Variants in ECT2L observed in about 807,000 individuals in gnomAD.
ECT2L encodes the protein epithelial cell-transforming sequence 2 oncogene-like.
A neutral mutation model predicts 122.8 loss-of-function variants in ECT2L; 126 were observed. The observed-to-expected ratio is 1.03, with a 90% CI of 0.89 to 1.19. The LOEUF is 1.19. ECT2L is among the 50% of genes most tolerant of loss of function. The pLI is 0.00. For missense variants in ECT2L, 1,012 were observed against 1,064.1 expected (o/e 0.95, Z 0.68); for synonymous variants, 385 against 381.8 (o/e 1.01, Z -0.10).
chr6:138,842,664 CT>C (rs1777081989), intron 5 of ECT2L, among the ~76,000 whole-genome samples: 1 of 151,648 alleles, frequency 6.6e-6, no homozygotes, highest in Non-Finnish European at 1.5e-5. Flanking sequence ...CCCAGCTACT[CT>C]GGAGGCTGAG....
intron 4 of ECT2L, among the ~76,000 whole-genome samples, chr6:138,826,045 A>G (rs1422545652): frequency 2.0e-5 from 3 of 152,190 alleles, no homozygotes; most frequent in Non-Finnish European, 4.4e-5. Flanking sequence ...TCGCCTGTTC[A>G]GCTATCCCCG....
At chr6:138,851,020 A>G (rs1777429238) in intron 9 of ECT2L, among the ~76,000 whole-genome samples, 3 of 149,796 alleles carry the variant, frequency 2.0e-5, no homozygotes, top group Non-Finnish European at 3.0e-5. Context: ...AAAAAAAAAA[A>G]AAAGAGAAAG....
chr6:138,857,810 T>C (rs1018689103), intron 10 of ECT2L, among the ~76,000 whole-genome samples: 4 of 152,138 alleles, frequency 2.6e-5, no homozygotes, highest in African/African-American at 9.7e-5. Flanking sequence ...TCACTATTCC[T>C]ATGTGTATTA....
intron 4 of ECT2L, among the ~76,000 whole-genome samples, chr6:138,819,432 G>A (rs1024669663): frequency 2.8e-4 from 42 of 151,946 alleles, no homozygotes; most frequent in African/African-American, 9.4e-4. Flanking sequence ...GAGCTTCTCT[G>A]TCTACCGCTT....
chr6:138,901,088 G>C lies in ECT2L; in HGVS notation c.2555G>C (p.Arg852Pro). The C allele has an allele frequency of 1.9e-6, 3 of 1,613,920 alleles. No individual in the cohort carries two copies. Among genetic ancestry groups the C allele is most frequent in the Non-Finnish European group, 2.5e-6 (3 of 1,179,972 alleles). Residue 852 changes from arginine (R) to proline (P), a missense_variant, in exon 21 of 22, where the codon CGG (arginine) becomes CCG (proline). By Grantham distance (103) the Arg-to-Pro change is moderately radical. Coordinates refer to ENST00000541398, the MANE Select transcript of ECT2L (RefSeq NM_001077706.3). ...YQFIASVALH[R>P]LLIENIPDSK... ...TTCATTGCATCAGTGGCCCTTCATC[G>C]GTTACTCATAGAAAATATTCCAGAT...
In ECT2L at chr6:138,902,513, AT is replaced by A; in HGVS notation, c.2604del (p.Phe868LeufsTer16). ...ATGCTTTTACAGATGTCAAGAATGC[AT>A]TTATTCTTCAGGGTCCAAAATATAA... Reference protein sequence around the residue: ...IPDSKYVKNAFILQGPKYKWI... With the variant: ...IPDSKYVKNAXILQGPKYKWI... On this transcript the variant is annotated frameshift_variant, in exon 22 of 22. Transcript: ENST00000541398. LOFTEE classifies it high-confidence loss of function. The A allele has an allele frequency of 6.2e-6, 10 of 1,613,436 alleles. No individual in the cohort carries two copies. Among genetic ancestry groups the A allele is most frequent in the Non-Finnish European group, 8.5e-6 (10 of 1,179,614 alleles).
At chr6:138,876,613 T>C in intron 14 of ECT2L, 55 bp downstream of exon 14, 1 of 1,194,892 alleles carries the variant, frequency 8.4e-7, no homozygotes, top group Non-Finnish European at 1.2e-6. Context: ...ATAGTGAAAT[T>C]TCAGCCTTTA....
At chr6:138,807,237 G>A (rs1362343687) in intron 1 of ECT2L, among the ~76,000 whole-genome samples, 1 of 151,952 alleles carries the variant, frequency 6.6e-6, no homozygotes, top group African/African-American at 2.4e-5. Flanking sequence ...GCTTCCCAAA[G>A]TGCTAGGATT....
chr6:138,890,712 T>C (rs557591760), intron 20 of ECT2L, among the ~76,000 whole-genome samples: 27 of 152,206 alleles, frequency 1.8e-4, no homozygotes, highest in African/African-American at 2.9e-4. Context: ...TTCTATATCA[T>C]TTTTCTTCTC....
At chr6:138,876,630 T>C (rs1038209577) in intron 14 of ECT2L, 72 bp downstream of exon 14, 2 of 933,760 alleles carry the variant, frequency 2.1e-6, no homozygotes, top group Non-Finnish European at 3.2e-6. Flanking sequence ...TTTATTCTGG[T>C]TAGTTCTTCA....
intron 13 of ECT2L, among the ~76,000 whole-genome samples, chr6:138,872,480 A>G (rs1490284560): frequency 6.6e-6 from 1 of 152,230 alleles, no homozygotes; most frequent in Non-Finnish European, 1.5e-5. Flanking sequence ...TGGGAACGCC[A>G]GATGGGCATT....
At chr6:138,870,934 G>C (rs899775829) in intron 13 of ECT2L, among the ~76,000 whole-genome samples, 3 of 152,068 alleles carry the variant, frequency 2.0e-5, no homozygotes, top group South Asian at 4.1e-4. Flanking sequence ...TTGAACCCAG[G>C]GGGGTTCAGT....
chr6:138,814,564 T>C lies in ECT2L; in HGVS notation c.140T>C (p.Leu47Ser). Residue 47 changes from leucine to serine, a missense_variant, in exon 4 of 22, where the codon TTA (leucine) becomes TCA (serine). Coordinates refer to ENST00000541398, the MANE Select transcript of ECT2L (RefSeq NM_001077706.3). ...ACTAACAAGCAACGTCAAGAATTCT[T>C]ATTCGCAATTTTTTTAAGATGCACT... ...LWTNKQRQEF[L>S]FAIFLRCTKS... 6.2e-7 allele frequency: 1 copy of C among 1,612,598 alleles called. No individual in the cohort carries two copies. Among genetic ancestry groups the C allele is most frequent in the South Asian group, 1.1e-5 (1 of 90,978 alleles).
intron 10 of ECT2L, among the ~76,000 whole-genome samples, chr6:138,860,337 G>A (rs947798312): frequency 1.3e-5 from 2 of 151,928 alleles, no homozygotes; most frequent in Non-Finnish European, 2.9e-5. Flanking sequence ...GATATGGATA[G>A]AGGTTAATTT....
At chr6:138,828,650 A>G (rs1039602857) in intron 4 of ECT2L, among the ~76,000 whole-genome samples, 1 of 152,172 alleles carries the variant, frequency 6.6e-6, no homozygotes, top group Non-Finnish European at 1.5e-5. Context: ...TTTTCTGTTT[A>G]CTAGTTAGCA....
chr6:138,890,544 T>C (rs1439512123), intron 20 of ECT2L, among the ~76,000 whole-genome samples: 1 of 129,472 alleles, frequency 7.7e-6, no homozygotes, highest in Non-Finnish European at 1.6e-5. Flanking sequence ...AGAAAACAGC[T>C]ACAATGATGG....
At chr6:138,831,676 C>T (rs1194581999) in intron 4 of ECT2L, among the ~76,000 whole-genome samples, 1 of 152,132 alleles carries the variant, frequency 6.6e-6, no homozygotes, top group Non-Finnish European at 1.5e-5. Context: ...AAAATTGGTG[C>T]TGTCCCTAAC....
intron 4 of ECT2L, among the ~76,000 whole-genome samples, chr6:138,830,776 G>A (rs983562751): frequency 6.6e-6 from 1 of 152,072 alleles, no homozygotes; most frequent in Non-Finnish European, 1.5e-5. Flanking sequence ...TCCTCTACAT[G>A]TCGTTAAATG....
chr6:138,832,233 C>A (rs1296565431), intron 4 of ECT2L, among the ~76,000 whole-genome samples: 1 of 150,194 alleles, frequency 6.7e-6, no homozygotes, highest in Admixed American at 6.6e-5. Flanking sequence ...CCTATTATTA[C>A]CTTGATTTCT....
Sources: gnomAD v4.1 joint callset for allele counts (sites outside exome capture counted in the v4.1 genomes callset) on GRCh38, gnomAD v4.1.1 for gene constraint, MANE v1.5 for transcripts, NCBI Gene and HGNC (gene_info 2026-07-23, HGNC 2026-07-21) for gene names.